Variants in ZCCHC24 observed in about 807,000 individuals in gnomAD.
The protein encoded by ZCCHC24 is zinc finger CCHC domain-containing protein 24.
Under a neutral mutation model 26.2 loss-of-function variants are expected in ZCCHC24, and 10 were observed. The ratio of observed to expected loss-of-function variants is 0.38; its 90% CI spans 0.24 to 0.65. The LOEUF (loss-of-function observed/expected upper bound fraction) is 0.65, where lower values mean the gene tolerates loss of function less well. Ranked by LOEUF, ZCCHC24 falls within the 30% of genes least tolerant of loss-of-function variation. The pLI, the probability that ZCCHC24 is intolerant of heterozygous loss-of-function variation, is 0.54. For synonymous variants in ZCCHC24, 144 were observed against 147.1 expected, an observed-to-expected ratio of 0.98 and a Z score of 0.15; for missense variants, 243 against 329.1, an observed-to-expected ratio of 0.74 and a Z score of 2.03.
chr10:79,413,759 C>CGTGTGT (rs1564636033), intron 2 of ZCCHC24, among the ~76,000 whole-genome samples: 4 of 73,276 alleles, frequency 5.5e-5, no homozygotes, highest in Non-Finnish European at 8.9e-5. Flanking sequence ...TGTGCGTGCG[C>CGTGTGT]ATGTGTGTGT....
rs1366639722 is a variant in ZCCHC24, at chr10:79,445,601, C to T, written c.-161G>A. The T allele has an allele frequency of 7.9e-6, 4 of 503,158 alleles. No homozygotes were observed. Among genetic ancestry groups the T allele is most frequent in the African/African-American group, 2.1e-5 (1 of 47,866 alleles). 31.2% of individuals were successfully genotyped at this position (503,158 alleles called of 1,614,324 possible). A position where few individuals can be genotyped will look rare whatever the true frequency, so the allele number is the denominator to read the frequency against. The stretch of plus-strand genomic sequence containing the variant: ...CCCGCGCGCTGCCCGCAGCCGCTGC[C>T]GCTGCCGCCGCCTCCCCCCGACTGC... On this transcript the variant is annotated 5_prime_UTR_variant, in exon 1 of 4. Coordinates refer to ENST00000372336, the MANE Select transcript of ZCCHC24 (RefSeq NM_153367.4).
chr10:79,406,888 GA>G (rs1360645365), intron 2 of ZCCHC24, among the ~76,000 whole-genome samples: 1 of 152,200 alleles, frequency 6.6e-6, no homozygotes, highest in East Asian at 1.9e-4. Flanking sequence ...CCTGAAAAGG[GA>G]GGAGAAGGAG....
intron 2 of ZCCHC24, among the ~76,000 whole-genome samples, chr10:79,395,517 G>A (rs1296295489): frequency 6.6e-6 from 1 of 152,190 alleles, no homozygotes; most frequent in Non-Finnish European, 1.5e-5. Flanking sequence ...AATTGCCACT[G>A]CCCCTTCTTC....
At chr10:79,427,799 A>G (rs1007407455) in intron 2 of ZCCHC24, among the ~76,000 whole-genome samples, 1 of 152,168 alleles carries the variant, frequency 6.6e-6, no homozygotes, top group African/African-American at 2.4e-5. Context: ...GGATTGCTTG[A>G]GCCCAGGAGT....
At chr10:79,423,144 T>C (rs1203803939) in intron 2 of ZCCHC24, among the ~76,000 whole-genome samples, 1 of 152,280 alleles carries the variant, frequency 6.6e-6, no homozygotes, top group East Asian at 1.9e-4. Flanking sequence ...AGACCCACAG[T>C]GGCCACCCAA....
chr10:79,419,122 G>A (rs59083532), intron 2 of ZCCHC24, among the ~76,000 whole-genome samples: 3,949 of 152,274 alleles, frequency 0.026, 187 homozygotes, highest in African/African-American at 0.09. Context: ...GCTCCGGTGG[G>A]TGTTGCTTCC....
At chr10:79,408,665 C>T (rs1283737049) in intron 2 of ZCCHC24, among the ~76,000 whole-genome samples, 1 of 152,150 alleles carries the variant, frequency 6.6e-6, no homozygotes, top group Non-Finnish European at 1.5e-5. Flanking sequence ...AATGGGGTGT[C>T]GTGGCAGAGG....
At chr10:79,445,103 G>C in intron 1 of ZCCHC24, 92 bp downstream of exon 1, 1 of 1,180,358 alleles carries the variant, frequency 8.5e-7, no homozygotes. Flanking sequence ...GGCCGCGCCA[G>C]GCCAGGAAGA....
chr10:79,428,481 T>C, intron 2 of ZCCHC24, among the ~76,000 whole-genome samples: 1 of 104,354 alleles, frequency 9.6e-6, no homozygotes, highest in Non-Finnish European at 2.0e-5. Flanking sequence ...AATTTCAGTT[T>C]TGCAAGATAA....
At chr10:79,442,182 C>T (rs1857299167) in intron 1 of ZCCHC24, among the ~76,000 whole-genome samples, 2 of 152,162 alleles carry the variant, frequency 1.3e-5, no homozygotes, top group Non-Finnish European at 2.9e-5. Context: ...AACTGGGTTT[C>T]ACGGGGCCTA....
chr10:79,435,154 T>C (rs948960605), intron 1 of ZCCHC24, among the ~76,000 whole-genome samples: 1 of 152,130 alleles, frequency 6.6e-6, no homozygotes, highest in Non-Finnish European at 1.5e-5. Context: ...GAAACACAAT[T>C]TCACAAATAA....
At chr10:79,386,494 A>G in intron 3 of ZCCHC24, 36 bp from the exon 4 acceptor site, 1 of 1,520,462 alleles carries the variant, frequency 6.6e-7, no homozygotes, top group Non-Finnish European at 9.0e-7. Flanking sequence ...CAGGGGAGTG[A>G]GGGGAGAGAA....
chr10:79,388,583 C>T (rs938204337), intron 3 of ZCCHC24, among the ~76,000 whole-genome samples: 4 of 152,176 alleles, frequency 2.6e-5, no homozygotes, highest in Non-Finnish European at 5.9e-5. Context: ...CGTGAAGTGT[C>T]CCCTCCAGCA....
intron 2 of ZCCHC24, among the ~76,000 whole-genome samples, chr10:79,429,649 T>C (rs1254707830): frequency 1.3e-5 from 2 of 152,234 alleles, no homozygotes; most frequent in Admixed American, 6.5e-5. Context: ...GACAATGTTC[T>C]CTGATTGAGG....
chr10:79,411,063 T>C (rs114111788), intron 2 of ZCCHC24, among the ~76,000 whole-genome samples: 2,317 of 152,112 alleles, frequency 0.015, 46 homozygotes, highest in African/African-American at 0.045. Context: ...CCGGCAGTGA[T>C]GGACGGAAGG....
chr10:79,390,253 T>A (rs1351089300), intron 3 of ZCCHC24, among the ~76,000 whole-genome samples: 1 of 152,230 alleles, frequency 6.6e-6, no homozygotes, highest in African/African-American at 2.4e-5. Flanking sequence ...AGCAAATCAC[T>A]TAACTTCTCT....
chr10:79,441,109 C>G (rs1857286958), intron 1 of ZCCHC24, among the ~76,000 whole-genome samples: 2 of 151,754 alleles, frequency 1.3e-5, no homozygotes, highest in Non-Finnish European at 2.9e-5. Flanking sequence ...CACACACACA[C>G]ACACACACCA....
At chr10:79,418,124 G>C (rs1286442596) in intron 2 of ZCCHC24, among the ~76,000 whole-genome samples, 1 of 152,222 alleles carries the variant, frequency 6.6e-6, no homozygotes, top group Non-Finnish European at 1.5e-5. Context: ...CAGCCACCAA[G>C]GCCTAAACAC....
chr10:79,427,116 T>C (rs1857039647), intron 2 of ZCCHC24, among the ~76,000 whole-genome samples: 2 of 150,006 alleles, frequency 1.3e-5, no homozygotes, highest in Admixed American at 6.6e-5. Context: ...TTTATAAGGA[T>C]AAAATGATTA....
Sources: allele counts gnomAD v4.1 joint callset (sites outside exome capture counted in the v4.1 genomes callset), GRCh38; gene constraint gnomAD v4.1.1; transcripts MANE v1.5; gene names NCBI Gene and HGNC (gene_info 2026-07-23, HGNC 2026-07-21).